Variants in ZMYND11 observed in about 807,000 individuals in gnomAD.
The protein encoded by ZMYND11 is zinc finger MYND-type containing 11, also known as zinc finger MYND domain-containing protein 11.
In ZMYND11, 9 loss-of-function variants were observed where a neutral mutation model predicts 84.9. The observed-to-expected ratio is 0.11, with a 90% CI of 0.06 to 0.18. ZMYND11 has a LOEUF of 0.18. ZMYND11 is among the 10% of genes least tolerant of loss of function. The probability of loss-of-function intolerance (pLI) is 1.00; values close to 1 mark genes in which losing one functional copy is unlikely to be tolerated. For synonymous variants in ZMYND11, 250 were observed against 244.1 expected (o/e 1.02, Z -0.23); for missense variants, 409 against 761.0 (o/e 0.54, Z 5.44).
At chr10:201,605 C>CACACACACACACACACACACAT (rs1350740510) in intron 2 of ZMYND11, among the ~76,000 whole-genome samples, 3 of 149,964 alleles carry the variant, frequency 2.0e-5, no homozygotes, top group African/African-American at 7.3e-5. Context: ...CACACACACA[C>CACACACACACACACACACACAT]ATTATATATA....
At chr10:228,495 A>G (rs1948486872) in intron 4 of ZMYND11, among the ~76,000 whole-genome samples, 1 of 152,206 alleles carries the variant, frequency 6.6e-6, no homozygotes, top group Admixed American at 6.5e-5. Context: ...AAATACTTAC[A>G]AAGTACATGC....
At chr10:245,792 C>T (rs967728727) in intron 10 of ZMYND11, among the ~76,000 whole-genome samples, 5 of 152,196 alleles carry the variant, frequency 3.3e-5, no homozygotes, top group African/African-American at 4.8e-5. Flanking sequence ...TATAATTATT[C>T]CTTAGTTCTT....
At chr10:187,524 C>G (rs1939011053) in intron 2 of ZMYND11, among the ~76,000 whole-genome samples, 1 of 151,892 alleles carries the variant, frequency 6.6e-6, no homozygotes, top group Non-Finnish European at 1.5e-5. Flanking sequence ...GTCCCAGCTA[C>G]TCGGGAGGCT....
rs1419237599 is a variant in ZMYND11, at chr10:246,854, T to G, written c.1039T>G (p.Cys347Gly). 1.2e-6 allele frequency: 2 copies of G among 1,614,110 alleles called. No individual in the cohort carries two copies. Among genetic ancestry groups the G allele is most frequent in the Non-Finnish European group, 1.7e-6 (2 of 1,180,008 alleles). ...VKRSMGWKKACDELELHQRFL... is the reference protein window; with the variant it reads ...VKRSMGWKKAGDELELHQRFL... ...GCGCAGTATGGGTTGGAAAAAGGCC[T>G]GTGATGAGCTGGAGCTGCATCAGCG... The change falls in exon 11 of 15, where the codon TGT becomes GGT. Residue 347 changes from cysteine to glycine, a missense_variant. Physicochemically the swap from Cys to Gly is radical, Grantham distance 159. Transcript: ENST00000381604.
chr10:186,186 T>G (rs1361639319), intron 2 of ZMYND11, among the ~76,000 whole-genome samples: 1 of 151,672 alleles, frequency 6.6e-6, no homozygotes, highest in Admixed American at 6.6e-5. Flanking sequence ...ATTTTTTTTG[T>G]ATTTTTAGTA....
chr10:192,141 T>C (rs559111054), intron 2 of ZMYND11, among the ~76,000 whole-genome samples: 2 of 152,346 alleles, frequency 1.3e-5, no homozygotes, highest in East Asian at 3.9e-4. Context: ...TTTTCCACTC[T>C]GCTTTCACGG....
chr10:168,707 A>G (rs1486966962), intron 1 of ZMYND11, among the ~76,000 whole-genome samples: 2 of 152,186 alleles, frequency 1.3e-5, no homozygotes, highest in African/African-American at 2.4e-5. Flanking sequence ...TTTTAGATCC[A>G]TCAGGGAAGT....
At chr10:248,016 T>C (rs1366176018) in intron 12 of ZMYND11, among the ~76,000 whole-genome samples, 2 of 152,242 alleles carry the variant, frequency 1.3e-5, no homozygotes, top group Admixed American at 1.3e-4. Context: ...AATTTTTATA[T>C]TCTATAAATT....
At chr10:148,243 C>T (rs534501432) in intron 1 of ZMYND11, 44 of 141,934 alleles carry the variant, frequency 3.1e-4, no homozygotes, top group Non-Finnish European at 5.7e-4. Context: ...GGAAGAAGTC[C>T]TAACTTCCTT....
intron 1 of ZMYND11, among the ~76,000 whole-genome samples, chr10:154,521 T>C (rs1331410895): frequency 6.6e-6 from 1 of 152,110 alleles, no homozygotes; most frequent in East Asian, 1.9e-4. Flanking sequence ...CAGCTGGGAG[T>C]GTGCATGCTG....
At chr10:169,960 GC>G (rs1844904664) in intron 1 of ZMYND11, among the ~76,000 whole-genome samples, 1 of 146,036 alleles carries the variant, frequency 6.8e-6, no homozygotes, top group Non-Finnish European at 1.5e-5. Flanking sequence ...CACCAAGCAG[GC>G]TAAATGGCAA....
At chr10:149,655 A>T in intron 1 of ZMYND11, among the ~76,000 whole-genome samples, 1 of 152,166 alleles carries the variant, frequency 6.6e-6, no homozygotes, top group East Asian at 1.9e-4. Flanking sequence ...TGTTAATAAT[A>T]TTTGCATATT....
intron 1 of ZMYND11, among the ~76,000 whole-genome samples, chr10:152,361 A>G (rs930123754): frequency 3.9e-5 from 6 of 152,174 alleles, no homozygotes; most frequent in Admixed American, 2.6e-4. Context: ...AAATAAAGGG[A>G]TGGAGGAAGA....
At chr10:230,077 G>A (rs922781583) in intron 4 of ZMYND11, among the ~76,000 whole-genome samples, 3 of 152,152 alleles carry the variant, frequency 2.0e-5, no homozygotes, top group Non-Finnish European at 4.4e-5. Context: ...TTTAGGAGCT[G>A]TTTAATCCCT....
intron 1 of ZMYND11, among the ~76,000 whole-genome samples, chr10:160,983 A>G (rs1334796751): frequency 8.4e-6 from 1 of 119,678 alleles, no homozygotes; most frequent in Non-Finnish European, 1.7e-5. Context: ...TTTTTTTGAG[A>G]CAGGGTCGTG....
chr10:191,676 G>C (rs1439588638), intron 2 of ZMYND11, among the ~76,000 whole-genome samples: 1 of 152,188 alleles, frequency 6.6e-6, no homozygotes, highest in Non-Finnish European at 1.5e-5. Context: ...ATTTCTAAAA[G>C]TAACATAAAT....
chr10:146,955 G>A (rs1035216557), intron 1 of ZMYND11, among the ~76,000 whole-genome samples: 1 of 152,234 alleles, frequency 6.6e-6, no homozygotes, highest in Non-Finnish European at 1.5e-5. Flanking sequence ...CAGCCATGTG[G>A]AACTGTGAGT....
chr10:174,954 A>G lies in ZMYND11; in HGVS notation c.-19-5040A>G, dbSNP rs570333040. 2.0e-5 allele frequency among the ~76,000 whole-genome samples: 3 copies of G among 150,810 alleles called. No homozygotes were observed. In the South Asian group the frequency reaches 6.3e-4, roughly 32 times the overall value. On this transcript the variant is annotated intron_variant, in intron 1 of 14. Transcript: ENST00000381604. ...GTCATTCATACATTGGTCAGAACCC[A>G]TGGGCACTACAGTGGCACATGCTTG...
intron 4 of ZMYND11, among the ~76,000 whole-genome samples, chr10:229,565 G>A (rs565466852): frequency 6.6e-6 from 1 of 152,222 alleles, no homozygotes; most frequent in African/African-American, 2.4e-5. Flanking sequence ...AGGCAGAAGT[G>A]GGTAGGTCGA....
Sources: allele counts gnomAD v4.1 joint callset (sites outside exome capture counted in the v4.1 genomes callset), GRCh38; gene constraint gnomAD v4.1.1; transcripts MANE v1.5; gene names NCBI Gene and HGNC (gene_info 2026-07-23, HGNC 2026-07-21).